GPR39: variants seen among roughly 807,000 people sequenced by gnomAD.
GPR39 encodes G protein-coupled receptor 39, also known as zinc sensing receptor.
GPR39 carries 23 observed loss-of-function variants against 18.4 expected under a neutral mutation model. The ratio of observed to expected loss-of-function variants is 1.25; its 90% CI spans 0.90 to 1.77. GPR39 has a LOEUF of 1.77. Ranked by LOEUF, GPR39 falls within the 40% of genes most tolerant of loss-of-function variation. The pLI is 0.00. For synonymous variants in GPR39, 280 were observed against 257.9 expected, an observed-to-expected ratio of 1.09 and a Z score of -0.82; for missense variants, 647 against 602.4, an observed-to-expected ratio of 1.07 and a Z score of -0.78.
intron 1 of GPR39, among the ~76,000 whole-genome samples, chr2:132,635,916 A>C (rs903556908): frequency 6.6e-6 from 1 of 152,186 alleles, no homozygotes; most frequent in Non-Finnish European, 1.5e-5. Context: ...GATGGTGGCT[A>C]TCTGCAAGCC....
At chr2:132,510,960 C>T (rs942607341) in intron 1 of GPR39, among the ~76,000 whole-genome samples, 13 of 152,034 alleles carry the variant, frequency 8.6e-5, no homozygotes, top group Non-Finnish European at 7.4e-5. Flanking sequence ...TCTGAATTTT[C>T]GTTTATTCAG....
intron 1 of GPR39, among the ~76,000 whole-genome samples, chr2:132,487,279 A>C (rs1681360295): frequency 1.3e-5 from 2 of 152,214 alleles, no homozygotes. Flanking sequence ...GGTTATTCTT[A>C]CTGTATTTCA....
chr2:132,472,471 G>A (rs1040266423), intron 1 of GPR39, among the ~76,000 whole-genome samples: 2 of 152,098 alleles, frequency 1.3e-5, no homozygotes, highest in Non-Finnish European at 2.9e-5. Context: ...TTTGCTTCCT[G>A]GGAGGCCACT....
intron 1 of GPR39, among the ~76,000 whole-genome samples, chr2:132,478,465 A>C (rs995805883): frequency 6.6e-6 from 1 of 152,186 alleles, no homozygotes; most frequent in African/African-American, 2.4e-5. Context: ...ATCTACATCT[A>C]ATTTATTTGT....
chr2:132,476,740 G>A (rs577886622), intron 1 of GPR39, among the ~76,000 whole-genome samples: 1 of 151,634 alleles, frequency 6.6e-6, no homozygotes, highest in South Asian at 2.1e-4. Flanking sequence ...TGGAGGAAAA[G>A]CATATGATGC....
intron 1 of GPR39, among the ~76,000 whole-genome samples, chr2:132,558,891 T>C (rs537737398): frequency 6.6e-6 from 1 of 152,286 alleles, no homozygotes; most frequent in Non-Finnish European, 1.5e-5. Flanking sequence ...TCAATGTATC[T>C]GTGCTAGGGA....
At chr2:132,512,083 A>C (rs1679252178) in intron 1 of GPR39, among the ~76,000 whole-genome samples, 1 of 152,102 alleles carries the variant, frequency 6.6e-6, no homozygotes, top group African/African-American at 2.4e-5. Context: ...TTCCTCTTCC[A>C]AGGGTGTTAG....
At chr2:132,533,044 G>A (rs1210901869) in intron 1 of GPR39, among the ~76,000 whole-genome samples, 1 of 152,100 alleles carries the variant, frequency 6.6e-6, no homozygotes, top group Non-Finnish European at 1.5e-5. Context: ...TAGGAAAAGA[G>A]GAAGTCAAAT....
chr2:132,532,400 G>A lies in GPR39; in HGVS notation c.857-112701G>A, dbSNP rs559843401. ...TCCAGGACCAGATGGATTCACAGCCGAATTCTACCAGAGGTACAAGGAGGA... is the reference window on the plus strand; with the variant it reads ...TCCAGGACCAGATGGATTCACAGCCAAATTCTACCAGAGGTACAAGGAGGA... On this transcript the variant is annotated intron_variant, in intron 1 of 1. Coordinates refer to ENST00000329321, the MANE Select transcript of GPR39 (RefSeq NM_001508.3). Among the ~76,000 whole-genome samples, 274 of 152,186 alleles carry A rather than the reference G, an allele frequency of 1.8e-3. 2 individuals carry two copies. In the Middle Eastern group the frequency reaches 0.027, roughly 15 times the overall value.
At chr2:132,492,641 T>TATATATATAATAGATATA in intron 1 of GPR39, among the ~76,000 whole-genome samples, 1 of 135,680 alleles carries the variant, frequency 7.4e-6, no homozygotes, top group Non-Finnish European at 1.5e-5. Flanking sequence ...ATACACACCA[T>TATATATATAATAGATATA]CTATATATAA....
intron 1 of GPR39, among the ~76,000 whole-genome samples, chr2:132,451,049 C>T (rs1341079195): frequency 1.3e-5 from 2 of 152,148 alleles, no homozygotes; most frequent in Admixed American, 1.3e-4. Flanking sequence ...GGTGCTTGAA[C>T]AGAAATGCTC....
chr2:132,532,359 AC>A (rs1320777711), intron 1 of GPR39, among the ~76,000 whole-genome samples: 1 of 152,208 alleles, frequency 6.6e-6, no homozygotes, highest in Non-Finnish European at 1.5e-5. Flanking sequence ...TTAATAGCTT[AC>A]CAACCCAAAA....
chr2:132,636,860 T>A (rs895758100), intron 1 of GPR39, among the ~76,000 whole-genome samples: 16 of 152,320 alleles, frequency 1.1e-4, no homozygotes, highest in Middle Eastern at 3.4e-3. Flanking sequence ...TTCTTCATTA[T>A]ATGCTCTGCA....
intron 1 of GPR39, among the ~76,000 whole-genome samples, chr2:132,588,081 C>T (rs1468602522): frequency 2.6e-5 from 4 of 152,000 alleles, no homozygotes; most frequent in Non-Finnish European, 5.9e-5. Context: ...AAGGTTCAGC[C>T]TGGAAAGAGA....
At chr2:132,515,331 A>G (rs1249998626) in intron 1 of GPR39, among the ~76,000 whole-genome samples, 1 of 152,210 alleles carries the variant, frequency 6.6e-6, no homozygotes, top group Admixed American at 6.5e-5. Context: ...TTATCCAACC[A>G]AGGTTTCCAA....
chr2:132,469,786 A>G (rs1317378909), intron 1 of GPR39, among the ~76,000 whole-genome samples: 2 of 152,056 alleles, frequency 1.3e-5, no homozygotes, highest in African/African-American at 4.8e-5. Context: ...GCTAGAGACT[A>G]CCTCACTTAC....
At position 132,645,351 on chromosome 2, in the gene GPR39, C is replaced by A; in HGVS notation, c.1107C>A (p.Asn369Lys). ...GCCGCCTGTCGCTGCAGCACGCCAACCACGAGAAGCGCCTGCGCGTACATG... is the reference window on the plus strand; with the variant it reads ...GCCGCCTGTCGCTGCAGCACGCCAAACACGAGAAGCGCCTGCGCGTACATG... ...LCCRLSLQHA[N>K]HEKRLRVHAH... Residue 369 changes from asparagine to lysine, a missense_variant, in exon 2 of 2, where the codon AAC becomes AAA. Transcript: ENST00000329321. 6.2e-7 allele frequency: 1 copy of A among 1,614,150 alleles called. No individual in the cohort carries two copies. The highest frequency in any genetic ancestry group is 8.5e-7 in the Non-Finnish European group (1 of 1,180,044).
chr2:132,500,076 C>T (rs1352625393), intron 1 of GPR39, among the ~76,000 whole-genome samples: 2 of 152,156 alleles, frequency 1.3e-5, no homozygotes, highest in Admixed American at 6.5e-5. Flanking sequence ...CCCTTTAGTT[C>T]TTTCTCTTGT....
rs1004857971 is a variant in GPR39, at chr2:132,575,087, ACTTT to A, written c.857-70009_857-70006del. The stretch of plus-strand genomic sequence containing the variant: ...ACAAATATAATATTTGTAATCTTCA[ACTTT>A]CTTTTTCTAACATTTTGGAGTTCAT... On this transcript the variant is annotated intron_variant, in intron 1 of 1. Coordinates refer to ENST00000329321, the MANE Select transcript of GPR39 (RefSeq NM_001508.3). Among the ~76,000 whole-genome samples the A allele has an allele frequency of 5.9e-5, 9 of 152,040 alleles. 1 individual carries two copies. In the Middle Eastern group the frequency reaches 0.01, roughly 172 times the overall value.
Sources: gnomAD v4.1 joint callset for allele counts (sites outside exome capture counted in the v4.1 genomes callset) on GRCh38, gnomAD v4.1.1 for gene constraint, MANE v1.5 for transcripts, NCBI Gene and HGNC (gene_info 2026-07-23, HGNC 2026-07-21) for gene names.